PLPP3: variants seen among roughly 807,000 people sequenced by gnomAD.
PLPP3 encodes phospholipid phosphatase 3, also known as PAP2 beta.
Under a neutral mutation model 29.6 loss-of-function variants are expected in PLPP3, and 6 were observed. That is an observed-to-expected ratio of 0.20 (90% confidence interval 0.11 to 0.40). The LOEUF is 0.40. PLPP3 is among the 10% of genes least tolerant of loss of function. The pLI, the probability that PLPP3 is intolerant of heterozygous loss-of-function variation, is 1.00. For synonymous variants in PLPP3, 152 were observed against 159.7 expected (o/e 0.95, Z 0.36); for missense variants, 308 against 407.7 (o/e 0.76, Z 2.11).
chr1:56,528,302 A>G (rs942388098), intron 2 of PLPP3, among the ~76,000 whole-genome samples: 1 of 152,180 alleles, frequency 6.6e-6, no homozygotes, highest in Non-Finnish European at 1.5e-5. Context: ...GTTGGCTCCA[A>G]CTGCAAGACA....
intron 1 of PLPP3, among the ~76,000 whole-genome samples, chr1:56,541,643 T>G (rs544394107): frequency 7.4e-4 from 113 of 152,280 alleles, no homozygotes; most frequent in African/African-American, 2.6e-3. Context: ...ACTCTGCAAG[T>G]AAGTTATGGA....
intron 1 of PLPP3, among the ~76,000 whole-genome samples, chr1:56,575,469 G>A (rs12143531): frequency 0.012 from 1,822 of 152,322 alleles, 22 homozygotes; most frequent in Non-Finnish European, 0.022. Flanking sequence ...TAGCACGGTT[G>A]CTGACCACCC....
intron 5 of PLPP3, among the ~76,000 whole-genome samples, chr1:56,511,493 C>T (rs2100232107): frequency 6.6e-6 from 1 of 152,218 alleles, no homozygotes; most frequent in South Asian, 2.1e-4. Context: ...GAAGAGGAGG[C>T]ATTTTCCAAG....
intron 1 of PLPP3, among the ~76,000 whole-genome samples, chr1:56,552,240 A>G (rs1431515980): frequency 6.7e-6 from 1 of 149,334 alleles, no homozygotes; most frequent in Non-Finnish European, 1.5e-5. Flanking sequence ...AAAAAAAAAA[A>G]GAAAGAAGGA....
At chr1:56,555,250 T>C (rs1277801594) in intron 1 of PLPP3, among the ~76,000 whole-genome samples, 1 of 145,906 alleles carries the variant, frequency 6.9e-6, no homozygotes, top group Non-Finnish European at 1.5e-5. Context: ...CAATCCCTCC[T>C]GCTTGGTGAC....
chr1:56,510,479 G>A (rs1176427099), intron 5 of PLPP3, among the ~76,000 whole-genome samples: 5 of 152,230 alleles, frequency 3.3e-5, no homozygotes, highest in Admixed American at 1.3e-4. Context: ...TCTTCGTGGT[G>A]CCCACTCTGA....
At chr1:56,538,545 A>C in intron 1 of PLPP3, 1 of 384,224 alleles carries the variant, frequency 2.6e-6, no homozygotes, top group South Asian at 2.4e-5. Context: ...CACGTATATG[A>C]GAATCTATGA....
chr1:56,578,525 C>T (rs1435588996), intron 1 of PLPP3, among the ~76,000 whole-genome samples: 1 of 152,220 alleles, frequency 6.6e-6, no homozygotes, highest in Non-Finnish European at 1.5e-5. Context: ...TACGCTGGCT[C>T]TAGAGCGCGG....
intron 1 of PLPP3, among the ~76,000 whole-genome samples, chr1:56,556,762 A>C (rs1218050138): frequency 6.6e-6 from 1 of 151,064 alleles, no homozygotes; most frequent in Non-Finnish European, 1.5e-5. Flanking sequence ...ATTTATCAAG[A>C]AGGACTGTCC....
Position 56,579,271 on chromosome 1 carries a change from G to A in PLPP3, c.-255C>T. ...ATCGTTCTAAAGTCCAAGGGGAAGAGAGCCAGATCCCGAGCAGAAACTTTT... is the reference window on the plus strand; with the variant it reads ...ATCGTTCTAAAGTCCAAGGGGAAGAAAGCCAGATCCCGAGCAGAAACTTTT... On this transcript the variant is annotated 5_prime_UTR_variant, in exon 1 of 6. Coordinates refer to ENST00000371250, the MANE Select transcript of PLPP3 (RefSeq NM_003713.5). The A allele has an allele frequency of 2.2e-6, 1 of 457,880 alleles. No homozygotes were observed. Among genetic ancestry groups the A allele is most frequent in the Non-Finnish European group, 3.8e-6 (1 of 262,070 alleles). 28.4% of individuals were successfully genotyped at this position (457,880 alleles called of 1,614,324 possible).
intron 2 of PLPP3, among the ~76,000 whole-genome samples, chr1:56,529,870 G>C (rs182260055): frequency 6.6e-6 from 1 of 151,948 alleles, no homozygotes; most frequent in Admixed American, 6.6e-5. Context: ...CCAATATCTA[G>C]AATAAAGACA....
In PLPP3 at chr1:56,496,038, T is replaced by C. The variant is rs929397460; in HGVS notation, c.*513A>G. On this transcript the variant is annotated 3_prime_UTR_variant, in exon 6 of 6. Coordinates refer to ENST00000371250, the MANE Select transcript of PLPP3 (RefSeq NM_003713.5). ...GATCTGATCACTTGACTGAGCAAAC[T>C]TGCTCTTTCCTTTTATTTAAAACAC... 1 of 153,956 alleles carries C rather than the reference T, an allele frequency of 6.5e-6. No individual in the cohort carries two copies. The highest frequency in any genetic ancestry group is 2.4e-5 in the African/African-American group (1 of 41,470). The allele number at this position is 153,956 out of a possible 1,614,324, so 9.5% of individuals were successfully genotyped here. A position where few individuals can be genotyped will look rare whatever the true frequency, so the allele number is the denominator to read the frequency against.
intron 1 of PLPP3, among the ~76,000 whole-genome samples, chr1:56,571,317 C>A (rs911042384): frequency 1.3e-5 from 2 of 152,152 alleles, no homozygotes; most frequent in Non-Finnish European, 2.9e-5. Flanking sequence ...GTCCCCACCA[C>A]GTCACAGTGC....
intron 5 of PLPP3, among the ~76,000 whole-genome samples, chr1:56,506,003 A>G (rs1347638538): frequency 6.6e-6 from 1 of 152,190 alleles, no homozygotes. Flanking sequence ...AGTGGGGGCC[A>G]GCAGTGGCAA....
intron 5 of PLPP3, among the ~76,000 whole-genome samples, chr1:56,499,182 GTTTCCA>G (rs1166046166): frequency 2.7e-5 from 4 of 150,244 alleles, no homozygotes; most frequent in Non-Finnish European, 5.9e-5. Flanking sequence ...ATATCCTAGG[GTTTCCA>G]TTTCCTAACT....
intron 4 of PLPP3, among the ~76,000 whole-genome samples, chr1:56,516,492 T>A (rs970677170): frequency 6.6e-6 from 1 of 152,198 alleles, no homozygotes; most frequent in Non-Finnish European, 1.5e-5. Context: ...AAGTCCTAGG[T>A]GCCCTGAAAG....
At chr1:56,536,861 T>G (rs1386201536) in intron 2 of PLPP3, 94 bp downstream of exon 2, 7 of 1,491,250 alleles carry the variant, frequency 4.7e-6, no homozygotes, top group Non-Finnish European at 5.4e-6. Context: ...TGGCTTCTAC[T>G]TGGTATAAGT....
rs367571962 is a variant in PLPP3, at chr1:56,556,494, A to G, written c.140-19382T>C. On this transcript the variant is annotated intron_variant, in intron 1 of 5. Coordinates refer to ENST00000371250, the MANE Select transcript of PLPP3 (RefSeq NM_003713.5). ...TAAAAAGAAATATGCCAAAATGGCA[A>G]TAGTATTTATGGTAGATTATGAGTG... is the stretch of plus-strand genomic sequence containing the variant. Among the ~76,000 whole-genome samples, 31 of 152,342 alleles carry G rather than the reference A, an allele frequency of 2.0e-4. 1 individual carries two copies. Among genetic ancestry groups the G allele is most frequent in the African/African-American group, 7.2e-4 (30 of 41,580 alleles).
intron 2 of PLPP3, among the ~76,000 whole-genome samples, chr1:56,531,934 A>G (rs375377962): frequency 7.2e-5 from 11 of 152,292 alleles, no homozygotes; most frequent in Admixed American, 5.9e-4. Flanking sequence ...TCCCCAACAC[A>G]CACTGCCCCT....
Sources: gnomAD v4.1 joint callset for allele counts (sites outside exome capture counted in the v4.1 genomes callset) on GRCh38, gnomAD v4.1.1 for gene constraint, MANE v1.5 for transcripts, NCBI Gene and HGNC (gene_info 2026-07-23, HGNC 2026-07-21) for gene names.